Variants in MYO1H observed in about 807,000 individuals in gnomAD.
MYO1H encodes the protein myosin IH.
Under a neutral mutation model 149.3 loss-of-function variants are expected in MYO1H, and 118 were observed. The ratio of observed to expected loss-of-function variants is 0.79; its 90% CI spans 0.68 to 0.92. The LOEUF (loss-of-function observed/expected upper bound fraction) is 0.92. Ranked by LOEUF, MYO1H falls within the 40% of genes least tolerant of loss-of-function variation. The pLI is 0.00. For missense variants in MYO1H, 1,212 were observed against 1,280.7 expected, an observed-to-expected ratio of 0.95 and a Z score of 0.82; for synonymous variants, 447 against 465.2, an observed-to-expected ratio of 0.96 and a Z score of 0.50.
chr12:109,339,324 C>T, the MYO1H span, among the ~76,000 whole-genome samples: 1 of 151,216 alleles, frequency 6.6e-6, no homozygotes, highest in East Asian at 1.9e-4. Context: ...AAGATAGCAC[C>T]ATTGCACTGC....
At chr12:109,423,086 GA>G (rs57748631) in intron 16 of MYO1H, among the ~76,000 whole-genome samples, 88,544 of 151,096 alleles carry the variant, frequency 0.59, 26,867 homozygotes, top group African/African-American at 0.74. Context: ...ACCCTGTCTT[GA>G]AAAAAACAGA....
At chr12:109,417,758 G>A (rs1870987983) in intron 15 of MYO1H, among the ~76,000 whole-genome samples, 1 of 152,122 alleles carries the variant, frequency 6.6e-6, no homozygotes, top group Admixed American at 6.5e-5. Flanking sequence ...TCTCTTCCTT[G>A]GAGAAATGTC....
intron 7 of MYO1H, among the ~76,000 whole-genome samples, chr12:109,405,676 G>A (rs1870346448): frequency 6.6e-6 from 1 of 152,160 alleles, no homozygotes; most frequent in Non-Finnish European, 1.5e-5. Context: ...GTTGTTATAT[G>A]AAAATAAAGT....
At chr12:109,408,893 G>A (rs1025299872) in intron 10 of MYO1H, among the ~76,000 whole-genome samples, 2 of 152,062 alleles carry the variant, frequency 1.3e-5, no homozygotes, top group Non-Finnish European at 2.9e-5. Flanking sequence ...GGGTTCAAGC[G>A]ATTCTTGTGC....
At chr12:109,366,828 T>G (rs1255483959) in intron 1 of MYO1H, among the ~76,000 whole-genome samples, 2 of 152,174 alleles carry the variant, frequency 1.3e-5, no homozygotes, top group East Asian at 1.9e-4. Context: ...ATATTGTCAC[T>G]TATTACTACA....
chr12:109,357,347 A>C (rs1227797945), intron 1 of MYO1H: 1 of 152,222 alleles, frequency 6.6e-6, no homozygotes, highest in African/African-American at 2.4e-5. Flanking sequence ...CATTGATTGG[A>C]AAAGGGTTAT....
chr12:109,322,218 C>G, the MYO1H span, among the ~76,000 whole-genome samples: 1 of 152,118 alleles, frequency 6.6e-6, no homozygotes, highest in East Asian at 1.9e-4. Flanking sequence ...CTAAACACTC[C>G]TCCATTAATC....
exon 4 of MYO1H, chr12:109,396,388 G>T: frequency 6.2e-7 from 1 of 1,605,642 alleles, no homozygotes; most frequent in Non-Finnish European, 8.5e-7. Context: ...CTCCAGCTAC[G>T]CTATAGCCGA....
At chr12:109,316,690 T>C in the MYO1H span, among the ~76,000 whole-genome samples, 2 of 152,150 alleles carry the variant, frequency 1.3e-5, no homozygotes, top group Non-Finnish European at 2.9e-5. Flanking sequence ...GGGTTTACAA[T>C]AGGAACAATC....
At chr12:109,407,698 ATTATT>A (rs1196472441) in intron 9 of MYO1H, 91 bp from the exon 10 acceptor site, 140 of 1,333,278 alleles carry the variant, frequency 1.1e-4, no homozygotes, top group Admixed American at 4.0e-4. Flanking sequence ...ACCCTGTCTC[ATTATT>A]TTATTTTTTT....
intron 16 of MYO1H, among the ~76,000 whole-genome samples, chr12:109,423,593 T>C (rs957773630): frequency 4.6e-5 from 7 of 152,120 alleles, no homozygotes; most frequent in Admixed American, 4.6e-4. Context: ...TGCTCTCCGT[T>C]CCCCCTCCCA....
chr12:109,335,000 C>T, the MYO1H span, among the ~76,000 whole-genome samples: 1 of 152,184 alleles, frequency 6.6e-6, no homozygotes, highest in African/African-American at 2.4e-5. Context: ...ATTTTTGTTT[C>T]CATGGATTTG....
At chr12:109,335,165 G>C in the MYO1H span, among the ~76,000 whole-genome samples, 14 of 152,220 alleles carry the variant, frequency 9.2e-5, no homozygotes, top group African/African-American at 2.9e-4. Flanking sequence ...TTTGTCAGTT[G>C]ATGAAAATCT....
In MYO1H at chr12:109,389,073, T is replaced by A. The variant is rs1323584753; in HGVS notation, c.174+229T>A. Among the ~76,000 whole-genome samples the A allele has an allele frequency of 5.3e-5, 8 of 152,290 alleles. No individual in the cohort carries two copies. In the South Asian group the frequency reaches 1.2e-3, roughly 24 times the overall value. On this transcript the variant is annotated intron_variant, in intron 2 of 31. Coordinates refer to ENST00000310903, the Ensembl canonical transcript of MYO1H. ...AGTCACTAAAAGGAATCTGTCCATG[T>A]CTGTTACTGTAGGTCCCGGGACTAG...
chr12:109,364,287 A>G (rs1207594830), intron 1 of MYO1H, among the ~76,000 whole-genome samples: 1 of 151,850 alleles, frequency 6.6e-6, no homozygotes, highest in South Asian at 2.1e-4. Context: ...ATAAGCATAC[A>G]CATACATACA....
At chr12:109,326,096 G>GGCCCTGTCAGCATGCAGCAGT in the MYO1H span, among the ~76,000 whole-genome samples, 1 of 152,180 alleles carries the variant, frequency 6.6e-6, no homozygotes, top group Non-Finnish European at 1.5e-5. Context: ...TGCTATCTGA[G>GGCCCTGTCAGCATGCAGCAGT]GCCCTGTCAG....
At chr12:109,406,693 C>T in intron 8 of MYO1H, 96 bp from the exon 9 acceptor site, 1 of 1,168,616 alleles carries the variant, frequency 8.6e-7, no homozygotes, top group South Asian at 1.3e-5. Context: ...CACATTCCCA[C>T]CTGGGTAACA....
At chr12:109,312,285 T>C in the MYO1H span, among the ~76,000 whole-genome samples, 2 of 152,186 alleles carry the variant, frequency 1.3e-5, no homozygotes, top group Non-Finnish European at 2.9e-5. Context: ...TGATCTCGGC[T>C]GACTGCAAGC....
the MYO1H span, among the ~76,000 whole-genome samples, chr12:109,335,170 A>G: frequency 0.36 from 54,319 of 152,050 alleles, 10,282 homozygotes; most frequent in Admixed American, 0.46. Context: ...CAGTTGATGA[A>G]AATCTGAGTG....
Sources: gnomAD v4.1 joint callset for allele counts (sites outside exome capture counted in the v4.1 genomes callset) on GRCh38, gnomAD v4.1.1 for gene constraint, MANE v1.5 for transcripts, NCBI Gene and HGNC (gene_info 2026-07-23, HGNC 2026-07-21) for gene names.